The following MYH7 variants were observed in gnomAD, a reference collection of about 807,000 sequenced individuals.
MYH7 encodes the protein myosin-7.
Under a neutral mutation model 225.4 loss-of-function variants are expected in MYH7, and 129 were observed. The observed-to-expected ratio is 0.57, with a 90% CI of 0.50 to 0.66. MYH7 has a LOEUF of 0.66. MYH7 is among the 30% of genes least tolerant of loss of function. MYH7 has a pLI of 0.00. For missense variants in MYH7, 1,649 were observed against 2,517.0 expected, an observed-to-expected ratio of 0.66 and a Z score of 7.38; for synonymous variants, 971 against 1,007.6, an observed-to-expected ratio of 0.96 and a Z score of 0.69.
chr14:23,417,849 C>A, intron 30 of MYH7, 163 bp from the exon 31 acceptor site: 1 of 1,070,740 alleles, frequency 9.3e-7, no homozygotes, highest in South Asian at 1.3e-5. Flanking sequence ...GGCAGAGGAT[C>A]CCAGCAGGGC....
rs1043370463 is a variant in MYH7, at chr14:23,429,069, C to T, written c.1293G>A (p.Val431=). The change falls in exon 14 of 40, where the codon GTG becomes GTA. Residue 431 remains valine (V), a synonymous_variant. Transcript: ENST00000355349. ...IYATGALAKA[V]YERMFNWMVT... ...CCATCCAGTTGAACATCCTCTCATA[C>T]ACTGCCTTGGCCAGTGCCCCAGTGG... The T allele has an allele frequency of 6.2e-7, 1 of 1,614,228 alleles. No individual in the cohort carries two copies. Among genetic ancestry groups the T allele is most frequent in the East Asian group, 2.2e-5 (1 of 44,870 alleles).
Position 23,419,954 on chromosome 14 carries a change from T to C in MYH7, c.3617A>G (p.Gln1206Arg), listed in dbSNP as rs757370100. The C allele has an allele frequency of 4.4e-6, 7 of 1,608,524 alleles. No individual in the cohort carries two copies. The highest frequency in any genetic ancestry group is 6.0e-6 in the Non-Finnish European group (7 of 1,176,236). ...CTTCACCCGCTGCAGGTTGTCGATC[T>C]GCTCGCCCAGCTCGGCCACGCTGTC... The part of the protein sequence containing the change: ...HADSVAELGE[Q>R]IDNLQRVKQK... Residue 1206 changes from glutamine to arginine, a missense_variant, in exon 27 of 40, where the codon CAG (glutamine) becomes CGG (arginine). This residue lies in a region of MYH7 where 106 missense variants were observed against 198.8 expected (regional missense o/e 0.53). Coordinates refer to ENST00000355349, the MANE Select transcript of MYH7 (RefSeq NM_000257.4).
chr14:23,416,244 C>A lies in MYH7; in HGVS notation c.4713G>T (p.Glu1571Asp). The A allele has an allele frequency of 6.2e-7, 1 of 1,614,008 alleles. No individual in the cohort carries two copies. Among genetic ancestry groups the A allele is most frequent in the Non-Finnish European group, 8.5e-7 (1 of 1,179,966 alleles). ...CCTTCTCTGCCAGCTTCCGCTCGAT[C>A]TCTGCCTTGATCTGGTTGAACTCCA... ...AQLEFNQIKA[E>D]IERKLAEKDE... Residue 1571 changes from glutamate to aspartate, a missense_variant, in exon 34 of 40, where the codon GAG (glutamate) becomes GAT (aspartate). Physicochemically the swap from Glu to Asp is conservative, Grantham distance 45. Coordinates refer to ENST00000355349, the MANE Select transcript of MYH7 (RefSeq NM_000257.4).
rs747301841 is a variant in MYH7 at position 23,431,693 on chromosome 14, A to G, written c.640-16T>C. ...CCAGGGTGCCCTGCAGAGGCCAAGA[A>G]GGAGGCAGGTGAGAGCTCTTCTCCC... On this transcript the variant is annotated splice_polypyrimidine_tract_variant and intron_variant, in intron 7 of 39. Transcript: ENST00000355349. 2 of 1,614,252 alleles carry G rather than the reference A, an allele frequency of 1.2e-6. No homozygotes were observed. The highest frequency in any genetic ancestry group is 1.7e-6 in the Non-Finnish European group (2 of 1,180,040).
chr14:23,416,909 C>G lies in MYH7; in HGVS notation c.4603G>C (p.Ala1535Pro). The G allele has an allele frequency of 6.2e-7, 1 of 1,614,268 alleles. No individual in the cohort carries two copies. ...ELEKVRKQLEAEKMELQSALE... is the reference protein window; with the variant it reads ...ELEKVRKQLEPEKMELQSALE... ...GCTGACTGCAGCTCCATCTTCTCGG[C>G]CTCCAGCTGCTTTCGGACCTTCTCC... The change falls in exon 33 of 40, where the codon GCC becomes CCC. Residue 1535 changes from alanine (A) to proline (P), a missense_variant. This residue lies in a region of MYH7 where 687 missense variants were observed against 913.8 expected (regional missense o/e 0.75). Coordinates refer to ENST00000355349, the MANE Select transcript of MYH7 (RefSeq NM_000257.4).
At chr14:23,421,752 G>A (rs1892481260) in intron 25 of MYH7, 1 of 985,378 alleles carries the variant, frequency 1.0e-6, no homozygotes, top group Non-Finnish European at 1.2e-6. Flanking sequence ...CAAAGAAATG[G>A]CCCTGATCCC....
rs368958841 is a variant in MYH7 at position 23,432,591 on chromosome 14, C to T, written c.502+48G>A. On this transcript the variant is annotated intron_variant, in intron 5 of 39. Transcript: ENST00000355349. ...TCTCCCTTCCTTCTCCCTCTCCCTC[C>T]CGGCCTATCCCAGTTCCCTTCAGGA... 6 of 1,614,054 alleles carry T rather than the reference C, an allele frequency of 3.7e-6. No individual in the cohort carries two copies. In the East Asian group the frequency reaches 8.9e-5, roughly 24 times the overall value.
chr14:23,434,052 C>T (rs1443541843), intron 2 of MYH7, 142 bp downstream of exon 2: 5 of 533,930 alleles, frequency 9.4e-6, no homozygotes, highest in Non-Finnish European at 1.5e-5. Flanking sequence ...TCCCTGGACC[C>T]CCTGGTCACA....
At chr14:23,427,940 G>C in intron 15 of MYH7, 46 bp from the exon 16 acceptor site, 3 of 1,609,972 alleles carry the variant, frequency 1.9e-6, no homozygotes, top group Non-Finnish European at 2.5e-6. Context: ...TCACACAGGT[G>C]GACATGGATT....
Position 23,427,517 on chromosome 14 carries a change from A to G in MYH7, c.1888+68T>C. On this transcript the variant is annotated intron_variant, in intron 16 of 39. Transcript: ENST00000355349. The stretch of plus-strand genomic sequence containing the variant: ...GACATTGAAGTGGTGGGGTGTAGCA[A>G]TTGACCTGGCTCAGAACCTTGGCAG... The G allele has an allele frequency of 2.5e-6, 4 of 1,585,516 alleles. No individual in the cohort carries two copies. In the Admixed American group the frequency reaches 5.3e-5, roughly 21 times the overall value.
At chr14:23,429,423 C>G in intron 12 of MYH7, 76 bp from the exon 13 acceptor site, 1 of 1,436,726 alleles carries the variant, frequency 7.0e-7, no homozygotes, top group Non-Finnish European at 9.7e-7. Flanking sequence ...TGCCTGTAAT[C>G]CCAGCACTTT....
Position 23,424,776 on chromosome 14 carries a change from A to C in MYH7, c.2672T>G (p.Val891Gly), listed in dbSNP as rs1367484535. The C allele has an allele frequency of 1.2e-6, 2 of 1,614,014 alleles. No homozygotes were observed. The highest frequency in any genetic ancestry group is 1.7e-6 in the Non-Finnish European group (2 of 1,180,028). Residue 891 changes from valine to glycine, a missense_variant, in exon 22 of 40, where the codon GTG (valine) becomes GGG (glycine). Val to Gly is a moderately radical substitution (Grantham distance 109). Coordinates refer to ENST00000355349, the MANE Select transcript of MYH7 (RefSeq NM_000257.4). ...LQEKNDLQLQ[V>G]QAEQDNLADA... is the part of the protein sequence containing the mutation. The stretch of plus-strand genomic sequence containing the variant: ...GTAGCCCAGGAGCCTCACCGCCTGC[A>C]CTTGGAGCTGCAGGTCATTCTTCTC...
At chr14:23,424,289 G>A in intron 22 of MYH7, 140 bp from the exon 23 acceptor site, 2 of 1,145,330 alleles carry the variant, frequency 1.7e-6, no homozygotes, top group South Asian at 1.5e-5. Context: ...AGAAGTATGG[G>A]GAGGGGAAGA....
chr14:23,423,931 C>T lies in MYH7; in HGVS notation c.2898G>A (p.Lys966=). 1 of 1,614,146 alleles carries T rather than the reference C, an allele frequency of 6.2e-7. No individual in the cohort carries two copies. The highest frequency in any genetic ancestry group is 2.2e-5 in the East Asian group (1 of 44,874). Residue 966 remains lysine, a synonymous_variant, in exon 23 of 40, where the codon AAG becomes AAA. Transcript: ENST00000355349. ...DLELTLAKVE[K]EKHATENKVK... is the part of the protein sequence containing the mutation. ...CCTTGTTCTCTGTTGCGTGTTTCTC[C>T]TTCTCCACTTTGGCCAGTGTCAGCT... is the stretch of plus-strand genomic sequence containing the variant.
Position 23,431,683 on chromosome 14 carries a change from G to C in MYH7, c.640-6C>G. Reference sequence around the variant, plus strand: ...ATCTGGTCCTCCAGGGTGCCCTGCAGAGGCCAAGAAGGAGGCAGGTGAGAG... The same window carrying C: ...ATCTGGTCCTCCAGGGTGCCCTGCACAGGCCAAGAAGGAGGCAGGTGAGAG... On this transcript the variant is annotated splice_polypyrimidine_tract_variant and splice_region_variant and intron_variant, in intron 7 of 39. Transcript: ENST00000355349. The C allele has an allele frequency of 6.2e-7, 1 of 1,614,260 alleles. No homozygotes were observed. The highest frequency in any genetic ancestry group is 8.5e-7 in the Non-Finnish European group (1 of 1,180,052).
At chr14:23,426,131 T>C (rs1892688293) in intron 18 of MYH7, 50 bp from the exon 19 acceptor site, 2 of 1,600,020 alleles carry the variant, frequency 1.2e-6, no homozygotes, top group Non-Finnish European at 8.5e-7. Flanking sequence ...TGGACTGAAG[T>C]TCTGGGTTCT....
chr14:23,419,034 G>A (rs539250709), intron 29 of MYH7, 143 bp downstream of exon 29: 1 of 824,694 alleles, frequency 1.2e-6, no homozygotes, highest in East Asian at 2.4e-5. Flanking sequence ...CATGTGGCAG[G>A]GTTTGGGCTG....
At position 23,432,219 on chromosome 14, in the gene MYH7, A is replaced by G. The variant is rs575277262; in HGVS notation, c.530+260T>C. On this transcript the variant is annotated intron_variant, in intron 6 of 39. Coordinates refer to ENST00000355349, the MANE Select transcript of MYH7 (RefSeq NM_000257.4). ...ATGCAGAGGTGAAGACATGGCGATA[A>G]TGAGCTTCTGGATAAACGCGTGATG... is the stretch of plus-strand genomic sequence containing the variant. 3.3e-5 allele frequency among the ~76,000 whole-genome samples: 5 copies of G among 152,316 alleles called. No individual in the cohort carries two copies. In the South Asian group the frequency reaches 8.3e-4, roughly 25 times the overall value.
In MYH7 at chr14:23,426,095, G is replaced by A; in HGVS notation, c.2045-14C>T. On this transcript the variant is annotated splice_polypyrimidine_tract_variant and intron_variant, in intron 18 of 39. Coordinates refer to ENST00000355349, the MANE Select transcript of MYH7 (RefSeq NM_000257.4). ...TGTCCATCACCCCTGTGGCAAGAAG[G>A]AAGTAGGAGGAGTCTGTGAGAACAC... is the stretch of plus-strand genomic sequence containing the variant. The A allele has an allele frequency of 1.9e-6, 3 of 1,613,940 alleles. No individual in the cohort carries two copies. The highest frequency in any genetic ancestry group is 1.3e-5 in the African/African-American group (1 of 75,066).
Sources: allele counts gnomAD v4.1 joint callset (sites outside exome capture counted in the v4.1 genomes callset), GRCh38; gene constraint gnomAD v4.1.1; regional missense constraint gnomAD v4.1.1; transcripts MANE v1.5; gene names NCBI Gene and HGNC (gene_info 2026-07-23, HGNC 2026-07-21).